Variants in MSI2 observed in about 807,000 individuals in gnomAD.
MSI2 encodes musashi RNA binding protein 2, also known as RNA-binding protein Musashi homolog 2.
Under a neutral mutation model 45.6 loss-of-function variants are expected in MSI2, and 17 were observed. The ratio of observed to expected loss-of-function variants is 0.37; its 90% CI spans 0.26 to 0.56. MSI2 has a LOEUF of 0.56. Ranked by LOEUF, MSI2 falls within the 20% of genes least tolerant of loss-of-function variation. The pLI is 0.77. For missense variants in MSI2, 293 were observed against 444.2 expected (o/e 0.66, Z 3.06); for synonymous variants, 156 against 158.2 (o/e 0.99, Z 0.11).
intron 5 of MSI2, chr17:57,263,650 G>A (rs1025970505): frequency 1.3e-5 from 2 of 152,164 alleles, no homozygotes; most frequent in Non-Finnish European, 2.9e-5. Flanking sequence ...GTAAAACCAT[G>A]GGTTTGACCT....
At chr17:57,696,189 A>C in the MSI2 span, among the ~76,000 whole-genome samples, 1 of 152,210 alleles carries the variant, frequency 6.6e-6, no homozygotes, top group Non-Finnish European at 1.5e-5. Context: ...CTGGAGCAGT[A>C]AGTAGACAGG....
chr17:57,602,752 T>C (rs1906046764), intron 8 of MSI2, among the ~76,000 whole-genome samples: 1 of 152,222 alleles, frequency 6.6e-6, no homozygotes, highest in Admixed American at 6.5e-5. Flanking sequence ...ACTTTGGTTG[T>C]CCCTTGTCTT....
At chr17:57,331,892 C>T (rs956944076) in intron 5 of MSI2, among the ~76,000 whole-genome samples, 1 of 152,160 alleles carries the variant, frequency 6.6e-6, no homozygotes, top group East Asian at 1.9e-4. Context: ...TTGCTACTCT[C>T]GAGTTGCTTT....
chr17:57,393,774 C>T (rs534619384), intron 5 of MSI2, among the ~76,000 whole-genome samples: 29 of 152,162 alleles, frequency 1.9e-4, no homozygotes, highest in Admixed American at 1.3e-4. Flanking sequence ...CTCCGCCTCC[C>T]GGGTTCAAGT....
intron 7 of MSI2, among the ~76,000 whole-genome samples, chr17:57,571,805 A>G (rs1443994074): frequency 6.6e-6 from 1 of 152,158 alleles, no homozygotes; most frequent in Non-Finnish European, 1.5e-5. Flanking sequence ...TGGGCAGGTG[A>G]GCAGCTTACA....
chr17:57,257,204 C>T (rs1380713090), intron 2 of MSI2, 66 bp downstream of exon 2: 1 of 875,910 alleles, frequency 1.1e-6, no homozygotes, highest in Non-Finnish European at 1.6e-6. Context: ...TCTTTGTTAT[C>T]CCGGTGTAGG....
At chr17:57,450,140 C>G (rs1427329030) in intron 6 of MSI2, 1 of 151,890 alleles carries the variant, frequency 6.6e-6, no homozygotes, top group Non-Finnish European at 1.5e-5. Context: ...GTAAATTCAA[C>G]ATTGGAGGGT....
rs1479930599 is a variant in MSI2, at chr17:57,453,123, C to A, written c.405+51652C>A. Among the ~76,000 whole-genome samples the A allele has an allele frequency of 3.3e-5, 5 of 151,862 alleles. No homozygotes were observed. In the East Asian group the frequency reaches 5.8e-4, roughly 18 times the overall value. ...GGTTCAAGTGATTCTGCCGCAGCCTCCCGAGTAACTGGGATTATGGGTGTG... is the reference window on the plus strand; with the variant it reads ...GGTTCAAGTGATTCTGCCGCAGCCTACCGAGTAACTGGGATTATGGGTGTG... On this transcript the variant is annotated intron_variant, in intron 6 of 13. Coordinates refer to ENST00000284073, the MANE Select transcript of MSI2 (RefSeq NM_138962.4).
At chr17:57,567,580 C>A (rs2087766625) in intron 7 of MSI2, among the ~76,000 whole-genome samples, 1 of 152,218 alleles carries the variant, frequency 6.6e-6, no homozygotes, top group South Asian at 2.1e-4. Flanking sequence ...CCTTAACCGG[C>A]AGTTAACCGG....
chr17:57,385,954 G>A (rs1240452655), intron 5 of MSI2, among the ~76,000 whole-genome samples: 5 of 152,212 alleles, frequency 3.3e-5, no homozygotes, highest in African/African-American at 1.2e-4. Flanking sequence ...CCCAGTTCCT[G>A]TTAGGTGCTC....
intron 5 of MSI2, chr17:57,265,715 A>C (rs1907706321): frequency 6.6e-6 from 1 of 152,214 alleles, no homozygotes; most frequent in African/African-American, 2.4e-5. Flanking sequence ...GGTTCATTCT[A>C]TATCTTCGTA....
intron 5 of MSI2, among the ~76,000 whole-genome samples, chr17:57,345,895 G>T (rs79979740): frequency 6.7e-6 from 1 of 150,102 alleles, no homozygotes; most frequent in Admixed American, 6.6e-5. Flanking sequence ...TCCTTTTTCT[G>T]TTCTAGGACA....
At chr17:57,640,309 C>T (rs1004463443) in intron 10 of MSI2, among the ~76,000 whole-genome samples, 10 of 152,202 alleles carry the variant, frequency 6.6e-5, no homozygotes, top group African/African-American at 2.4e-5. Flanking sequence ...CAGAGTTAAG[C>T]TCGCACTTCA....
intron 11 of MSI2, among the ~76,000 whole-genome samples, chr17:57,661,558 C>T (rs1911993372): frequency 1.3e-5 from 2 of 151,926 alleles, no homozygotes; most frequent in Admixed American, 6.6e-5. Flanking sequence ...ACAGCCTGAC[C>T]CCTAATCCTG....
intron 7 of MSI2, among the ~76,000 whole-genome samples, chr17:57,572,713 A>G (rs991448107): frequency 6.6e-5 from 10 of 152,134 alleles, no homozygotes; most frequent in Non-Finnish European, 1.5e-4. Flanking sequence ...CATCTCTGCT[A>G]TGGAGGCTGC....
chr17:57,622,231 G>A (rs1256445204), intron 9 of MSI2, among the ~76,000 whole-genome samples: 1 of 152,192 alleles, frequency 6.6e-6, no homozygotes, highest in Non-Finnish European at 1.5e-5. Flanking sequence ...AAATGGTCTC[G>A]TGCAGCCCCT....
At chr17:57,687,735 G>T (rs1373158392), downstream of MSI2, among the ~76,000 whole-genome samples, 1 of 152,006 alleles carries the variant, frequency 6.6e-6, no homozygotes, top group Non-Finnish European at 1.5e-5. Context: ...GAAACACATG[G>T]CTTTGCTGTC....
chr17:57,485,410 G>A (rs528528887), intron 6 of MSI2, among the ~76,000 whole-genome samples: 1 of 152,298 alleles, frequency 6.6e-6, no homozygotes, highest in Admixed American at 6.5e-5. Context: ...GTTGTTTAAT[G>A]TTTCTCATTT....
chr17:57,389,970 G>C (rs2083757413), intron 5 of MSI2, among the ~76,000 whole-genome samples: 1 of 151,566 alleles, frequency 6.6e-6, no homozygotes, highest in African/African-American at 2.4e-5. Context: ...AGGCATGGTG[G>C]TTCACTCCTG....
Sources: gnomAD v4.1 joint callset for allele counts (sites outside exome capture counted in the v4.1 genomes callset) on GRCh38, gnomAD v4.1.1 for gene constraint, MANE v1.5 for transcripts, NCBI Gene and HGNC (gene_info 2026-07-23, HGNC 2026-07-21) for gene names.